Variants in POFUT3 observed in about 807,000 individuals in gnomAD.
POFUT3 encodes protein O-fucosyltransferase 3.
the POFUT3 span, among the ~76,000 whole-genome samples, chr8:33,438,799 G>A: frequency 6.6e-6 from 1 of 152,132 alleles, no homozygotes; most frequent in Non-Finnish European, 1.5e-5. Flanking sequence ...CGAGCGAAAG[G>A]GGAAGCAGAC....
the POFUT3 span, among the ~76,000 whole-genome samples, chr8:33,327,065 A>C: frequency 3.3e-5 from 5 of 152,320 alleles, no homozygotes; most frequent in East Asian, 5.8e-4. Flanking sequence ...GGTGTGAACC[A>C]CTGCGCCCAC....
the POFUT3 span, among the ~76,000 whole-genome samples, chr8:33,442,713 G>A: frequency 6.6e-6 from 1 of 151,968 alleles, no homozygotes; most frequent in African/African-American, 2.4e-5. Context: ...GCCCGCCTTG[G>A]CCTCCTAAAG....
chr8:33,449,666 C>T, the POFUT3 span, among the ~76,000 whole-genome samples: 1 of 152,092 alleles, frequency 6.6e-6, no homozygotes, highest in African/African-American at 2.4e-5. Flanking sequence ...ATGGAAAAAT[C>T]TTAAGCCAAC....
the POFUT3 span, among the ~76,000 whole-genome samples, chr8:33,344,595 G>A: frequency 7.9e-5 from 12 of 152,164 alleles, 1 homozygote; most frequent in African/African-American, 1.4e-4. Context: ...GGATGAAAAC[G>A]GAAATGCATC....
At chr8:33,361,330 T>C in the POFUT3 span, 80 of 152,284 alleles carry the variant, frequency 5.3e-4, 1 homozygote, top group African/African-American at 1.9e-3. Context: ...AACACTGGTA[T>C]AAAAATTAAA....
chr8:33,417,142 T>G, the POFUT3 span, among the ~76,000 whole-genome samples: 1 of 152,318 alleles, frequency 6.6e-6, no homozygotes, highest in East Asian at 1.9e-4. Flanking sequence ...CACAGAAGCA[T>G]GAACCCTACT....
chr8:33,355,205 T>C, the POFUT3 span, among the ~76,000 whole-genome samples: 1 of 152,292 alleles, frequency 6.6e-6, no homozygotes, highest in East Asian at 1.9e-4. Context: ...GCCAACCAGA[T>C]TATTTATATT....
At chr8:33,398,780 G>T in the POFUT3 span, among the ~76,000 whole-genome samples, 1 of 152,118 alleles carries the variant, frequency 6.6e-6, no homozygotes, top group African/African-American at 2.4e-5. Context: ...CACTGAAGAC[G>T]ATCTCAGATA....
chr8:33,409,631 C>T, the POFUT3 span, among the ~76,000 whole-genome samples: 2 of 152,148 alleles, frequency 1.3e-5, no homozygotes, highest in Admixed American at 1.3e-4. Context: ...TCTGGCCGGG[C>T]GCAGTGACTC....
At chr8:33,406,367 A>T in the POFUT3 span, among the ~76,000 whole-genome samples, 1 of 152,212 alleles carries the variant, frequency 6.6e-6, no homozygotes, top group East Asian at 1.9e-4. Flanking sequence ...ATAGCCCTTA[A>T]TCTGACTGGC....
At chr8:33,467,783 A>C in the POFUT3 span, among the ~76,000 whole-genome samples, 2 of 152,234 alleles carry the variant, frequency 1.3e-5, no homozygotes, top group Non-Finnish European at 2.9e-5. Flanking sequence ...AATATCTTAC[A>C]GGTAATTAGC....
the POFUT3 span, among the ~76,000 whole-genome samples, chr8:33,462,449 G>GC: frequency 6.6e-6 from 1 of 152,012 alleles, no homozygotes; most frequent in Non-Finnish European, 1.5e-5. Flanking sequence ...TCATCATGTG[G>GC]CCCCCAATGC....
the POFUT3 span, among the ~76,000 whole-genome samples, chr8:33,361,717 T>A: frequency 6.6e-6 from 1 of 152,180 alleles, no homozygotes; most frequent in Non-Finnish European, 1.5e-5. Context: ...ATAGAATACG[T>A]TAACAAATTT....
At chr8:33,316,878 A>T in the POFUT3 span, among the ~76,000 whole-genome samples, 3 of 152,158 alleles carry the variant, frequency 2.0e-5, no homozygotes, top group African/African-American at 7.2e-5. Flanking sequence ...CCATGATCCT[A>T]TGGCCCTGTC....
chr8:33,389,372 T>C, the POFUT3 span: 4 of 1,614,176 alleles, frequency 2.5e-6, no homozygotes, highest in South Asian at 2.2e-5. Context: ...AATGATCCTA[T>C]AAAAGCCATC....
the POFUT3 span, among the ~76,000 whole-genome samples, chr8:33,432,467 C>T: frequency 2.0e-5 from 3 of 151,918 alleles, no homozygotes; most frequent in Non-Finnish European, 4.4e-5. Context: ...GTTCCCAGGC[C>T]TCATTCCTAT....
chr8:33,340,851 C>T, the POFUT3 span, among the ~76,000 whole-genome samples: 1 of 152,160 alleles, frequency 6.6e-6, no homozygotes, highest in South Asian at 2.1e-4. Flanking sequence ...TTGAAGTCTT[C>T]ACTCTTTTCT....
the POFUT3 span, among the ~76,000 whole-genome samples, chr8:33,367,596 T>C: frequency 1.3e-5 from 2 of 152,094 alleles, no homozygotes; most frequent in Admixed American, 6.6e-5. Context: ...GGTTAGGGTC[T>C]CCCCAAACAA....
the POFUT3 span, among the ~76,000 whole-genome samples, chr8:33,399,099 G>A: frequency 5.1e-4 from 78 of 152,080 alleles, 1 homozygote; most frequent in South Asian, 0.016. Flanking sequence ...TCTGTATATT[G>A]CAAATCTTTG....
Sources: gnomAD v4.1 joint callset for allele counts (sites outside exome capture counted in the v4.1 genomes callset) on GRCh38, gnomAD v4.1.1 for gene constraint, MANE v1.5 for transcripts, NCBI Gene and HGNC (gene_info 2026-07-23, HGNC 2026-07-21) for gene names.